AKR1C4: variants seen among roughly 807,000 people sequenced by gnomAD.
AKR1C4 encodes 3-alpha-HSD1.
In AKR1C4, 44 loss-of-function variants were observed where a neutral mutation model predicts 41.0. The ratio of observed to expected loss-of-function variants is 1.07; its 90% confidence interval spans 0.84 to 1.38. The LOEUF (loss-of-function observed/expected upper bound fraction) is 1.38. AKR1C4 is among the 40% of genes most tolerant of loss of function. The probability of loss-of-function intolerance (pLI) is 0.00; values close to 1 mark genes in which losing one functional copy is unlikely to be tolerated. For missense variants in AKR1C4, 438 were observed against 387.9 expected (o/e 1.13, Z -1.09); for synonymous variants, 165 against 137.7 (o/e 1.20, Z -1.39).
chr10:5,204,843 G>A (rs1170224854), intron 3 of AKR1C4, among the ~76,000 whole-genome samples: 1 of 152,164 alleles, frequency 6.6e-6, no homozygotes, highest in Admixed American at 6.5e-5. Flanking sequence ...TGCTGCACAT[G>A]TGGTGTACAG....
intron 8 of AKR1C4, among the ~76,000 whole-genome samples, chr10:5,217,576 A>G (rs1381882551): frequency 6.6e-6 from 1 of 152,218 alleles, no homozygotes; most frequent in Non-Finnish European, 1.5e-5. Flanking sequence ...CCTGGCCAAA[A>G]TGGCAAAACC....
At chr10:5,212,895 G>C in intron 6 of AKR1C4, 99 bp from the exon 7 acceptor site, 12 of 1,490,978 alleles carry the variant, frequency 8.0e-6, no homozygotes, top group Non-Finnish European at 1.1e-5. Flanking sequence ...CCTCACTTGA[G>C]AGGCTCTGGT....
intron 2 of AKR1C4, among the ~76,000 whole-genome samples, chr10:5,203,361 T>C (rs572798592): frequency 6.6e-6 from 1 of 152,162 alleles, no homozygotes; most frequent in Non-Finnish European, 1.5e-5. Flanking sequence ...CCCTGTGAGA[T>C]AAAATAAGAA....
intron 2 of AKR1C4, among the ~76,000 whole-genome samples, chr10:5,201,568 T>A (rs935356438): frequency 4.6e-5 from 7 of 152,232 alleles, no homozygotes; most frequent in Non-Finnish European, 5.9e-5. Flanking sequence ...TTTACTCGCA[T>A]GATTATTTCT....
chr10:5,205,127 G>A (rs1832465035), intron 3 of AKR1C4, among the ~76,000 whole-genome samples: 1 of 151,984 alleles, frequency 6.6e-6, no homozygotes, highest in African/African-American at 2.4e-5. Flanking sequence ...TACATTTCAA[G>A]ATTTGACGTA....
intron 5 of AKR1C4, chr10:5,207,644 T>G (rs953150422): frequency 8.6e-7 from 1 of 1,160,900 alleles, no homozygotes; most frequent in East Asian, 4.8e-5. Context: ...CCTTGGCATT[T>G]GCAGCCTACC....
intron 2 of AKR1C4, among the ~76,000 whole-genome samples, chr10:5,201,875 C>CTAATTTATA (rs1554796949): frequency 6.6e-6 from 1 of 152,086 alleles, no homozygotes; most frequent in Non-Finnish European, 1.5e-5. Context: ...GTTATTTTCC[C>CTAATTTATA]TAATTTATAT....
rs782564763 is a variant in AKR1C4, at chr10:5,206,270, C to T, written c.448-5C>T. Reference sequence around the variant, plus strand: ...AATAATTCCTCACAACCCCTTTCTCCCCAGGTCATGGAGAAGTGTAAGGAT... The same window carrying T: ...AATAATTCCTCACAACCCCTTTCTCTCCAGGTCATGGAGAAGTGTAAGGAT... On this transcript the variant is annotated splice_region_variant and splice_polypyrimidine_tract_variant and intron_variant, in intron 4 of 8. Coordinates refer to ENST00000263126, the MANE Select transcript of AKR1C4 (RefSeq NM_001818.5). 59 of 1,613,974 alleles carry T rather than the reference C, an allele frequency of 3.7e-5. 2 individuals carry two copies. In the South Asian group the frequency reaches 5.9e-4, roughly 16 times the overall value.
In AKR1C4 at chr10:5,218,742, AT is replaced by A; in HGVS notation, c.958del (p.Ser320GlnfsTer22). ...GTCTTATGGACCATCCTGATTATCC[AT>A]TTTCAGATGAATATTAGCATAGAGG... ...DFLMDHPDYP[F>X]SDEY On this transcript the variant is annotated frameshift_variant, in exon 9 of 9. Coordinates refer to ENST00000263126, the MANE Select transcript of AKR1C4 (RefSeq NM_001818.5). LOFTEE classifies it high-confidence loss of function. 1 of 1,604,360 alleles carries A rather than the reference AT, an allele frequency of 6.2e-7. No homozygotes were observed.
chr10:5,217,843 C>T (rs1461379391), intron 8 of AKR1C4, among the ~76,000 whole-genome samples: 1 of 152,196 alleles, frequency 6.6e-6, no homozygotes, highest in African/African-American at 2.4e-5. Context: ...TTACTCTTTT[C>T]TATATGCTCC....
chr10:5,212,934 G>A (rs1246789934), intron 6 of AKR1C4, 60 bp from the exon 7 acceptor site: 50 of 1,584,096 alleles, frequency 3.2e-5, no homozygotes, highest in Non-Finnish European at 4.3e-5. Context: ...TCTGTTTAGG[G>A]AGCCTCCTAC....
At chr10:5,207,778 A>C in intron 5 of AKR1C4, 2 of 365,050 alleles carry the variant, frequency 5.5e-6, no homozygotes, top group Non-Finnish European at 5.3e-6. Context: ...TATGTAGAAT[A>C]GATTTTCTCT....
At chr10:5,214,704 C>G (rs1832629986) in intron 7 of AKR1C4, among the ~76,000 whole-genome samples, 1 of 152,136 alleles carries the variant, frequency 6.6e-6, no homozygotes, top group Non-Finnish European at 1.5e-5. Context: ...ATTTTCTAAT[C>G]TATGCAAATA....
chr10:5,213,919 A>G (rs1832614355), intron 7 of AKR1C4, among the ~76,000 whole-genome samples: 1 of 152,130 alleles, frequency 6.6e-6, no homozygotes, highest in African/African-American at 2.4e-5. Flanking sequence ...TTAATAAGCA[A>G]AAGTTTCTAC....
chr10:5,207,286 T>C (rs1832504559), intron 5 of AKR1C4: 1 of 248,582 alleles, frequency 4.0e-6, no homozygotes, highest in Non-Finnish European at 8.1e-6. Context: ...CAGGCTGCTA[T>C]TCAATAAATT....
chr10:5,201,591 A>G (rs557873848), intron 2 of AKR1C4, among the ~76,000 whole-genome samples: 1 of 152,264 alleles, frequency 6.6e-6, no homozygotes, highest in South Asian at 2.1e-4. Context: ...TGCTGTGCAG[A>G]ATCTTTTTAG....
At chr10:5,206,107 T>C (rs568431074) in intron 4 of AKR1C4, among the ~76,000 whole-genome samples, 168 bp from the exon 5 acceptor site, 4 of 152,304 alleles carry the variant, frequency 2.6e-5, no homozygotes, top group African/African-American at 9.6e-5. Context: ...CACAAATTCT[T>C]CTTGCTGTCA....
intron 5 of AKR1C4, among the ~76,000 whole-genome samples, chr10:5,212,122 A>C (rs2132136783): frequency 6.6e-6 from 1 of 152,332 alleles, no homozygotes; most frequent in East Asian, 1.9e-4. Context: ...AATACTTTTG[A>C]TCACTCTGTC....
At chr10:5,212,469 A>G in intron 5 of AKR1C4, 147 bp from the exon 6 acceptor site, 3 of 801,708 alleles carry the variant, frequency 3.7e-6, no homozygotes, top group African/African-American at 1.7e-5. Flanking sequence ...GACCAGTAAT[A>G]TAAACTGTAT....
Sources: allele counts gnomAD v4.1 joint callset (sites outside exome capture counted in the v4.1 genomes callset), GRCh38; gene constraint gnomAD v4.1.1; transcripts MANE v1.5; gene names NCBI Gene and HGNC (gene_info 2026-07-23, HGNC 2026-07-21).